Variants in DIP2C observed in about 807,000 individuals in gnomAD.
DIP2C encodes DIP2 acetate--CoA ligase C (putative).
Under a neutral mutation model 192.4 loss-of-function variants are expected in DIP2C, and 33 were observed. The ratio of observed to expected loss-of-function variants is 0.17; its 90% CI spans 0.13 to 0.23. The LOEUF (loss-of-function observed/expected upper bound fraction) is 0.23. Among genes scored for constraint, DIP2C ranks in the 10% least tolerant of loss-of-function variants. The probability of loss-of-function intolerance (pLI) is 1.00; values close to 1 mark genes in which losing one functional copy is unlikely to be tolerated. For synonymous variants in DIP2C, 979 were observed against 864.1 expected (o/e 1.13, Z -2.33); for missense variants, 1,537 against 2,110.1 (o/e 0.73, Z 5.32).
intron 24 of DIP2C, among the ~76,000 whole-genome samples, chr10:350,005 T>C (rs1032386825): frequency 5.9e-5 from 9 of 152,154 alleles, no homozygotes; most frequent in African/African-American, 1.9e-4. Flanking sequence ...ATAGAAAACA[T>C]ATTTGTGCAG....
intron 1 of DIP2C, among the ~76,000 whole-genome samples, chr10:629,229 A>G (rs971487170): frequency 6.6e-6 from 1 of 152,152 alleles, no homozygotes; most frequent in Non-Finnish European, 1.5e-5. Flanking sequence ...GGGTCATCCT[A>G]TTAATTCTCC....
intron 17 of DIP2C, 33 bp downstream of exon 17, chr10:382,614 A>C: frequency 1.3e-6 from 2 of 1,529,894 alleles, no homozygotes; most frequent in Non-Finnish European, 1.8e-6. Flanking sequence ...GACTGTCTCT[A>C]GGTTATCTAC....
intron 17 of DIP2C, among the ~76,000 whole-genome samples, chr10:381,602 G>A (rs1962381190): frequency 6.6e-6 from 1 of 152,202 alleles, no homozygotes; most frequent in African/African-American, 2.4e-5. Flanking sequence ...TGACATGCGT[G>A]CCCACGTGCA....
chr10:451,514 G>C (rs1968846267), intron 3 of DIP2C, among the ~76,000 whole-genome samples: 1 of 152,060 alleles, frequency 6.6e-6, no homozygotes. Context: ...CCCCAAACTG[G>C]ATATTCTTTT....
At chr10:352,841 C>T (rs559404815) in intron 24 of DIP2C, among the ~76,000 whole-genome samples, 5 of 152,306 alleles carry the variant, frequency 3.3e-5, no homozygotes, top group East Asian at 1.9e-4. Context: ...ACTCCACACA[C>T]GTGACACTGT....
At chr10:447,723 T>C (rs1224341666) in intron 3 of DIP2C, among the ~76,000 whole-genome samples, 1 of 48,140 alleles carries the variant, frequency 2.1e-5, no homozygotes, top group African/African-American at 1.2e-4. Context: ...TCACTCCCAC[T>C]GATGCTCAGG....
At chr10:569,191 G>T (rs1013668832) in intron 1 of DIP2C, among the ~76,000 whole-genome samples, 1 of 152,162 alleles carries the variant, frequency 6.6e-6, no homozygotes, top group Non-Finnish European at 1.5e-5. Context: ...GACTTCCGTG[G>T]CCCACAAGGC....
rs150113550 is a variant in DIP2C, at chr10:624,887, C to T, written c.85+64607G>A. 8.4e-3 allele frequency among the ~76,000 whole-genome samples: 1,273 copies of T among 152,194 alleles called. 11 individuals carry two copies. Among genetic ancestry groups the T allele is most frequent in the Non-Finnish European group, 0.013 (891 of 67,988 alleles). On this transcript the variant is annotated intron_variant, in intron 1 of 36. Coordinates refer to ENST00000280886, the MANE Select transcript of DIP2C (RefSeq NM_014974.3). ...GGCCGGGAGAACCCGGGGGGGGAGCCGCACTGGGGACAGAGGGGTGGGCCC... is the reference window on the plus strand; with the variant it reads ...GGCCGGGAGAACCCGGGGGGGGAGCTGCACTGGGGACAGAGGGGTGGGCCC...
At chr10:576,977 A>C (rs959457673) in intron 1 of DIP2C, among the ~76,000 whole-genome samples, 7 of 152,168 alleles carry the variant, frequency 4.6e-5, no homozygotes, top group African/African-American at 1.4e-4. Flanking sequence ...CATTCCATTT[A>C]CTTAAAATAT....
At chr10:325,189 C>CA (rs1957219421) in intron 31 of DIP2C, among the ~76,000 whole-genome samples, 1 of 152,026 alleles carries the variant, frequency 6.6e-6, no homozygotes, top group African/African-American at 2.4e-5. Context: ...GGCGTGAACC[C>CA]AGCAGGTGGA....
chr10:462,441 C>G (rs1969866334), intron 3 of DIP2C, among the ~76,000 whole-genome samples: 1 of 152,250 alleles, frequency 6.6e-6, no homozygotes, highest in Admixed American at 6.5e-5. Context: ...GGATAAATTC[C>G]AGGACACATA....
intron 8 of DIP2C, among the ~76,000 whole-genome samples, chr10:412,932 C>A (rs1965280845): frequency 2.0e-5 from 3 of 152,210 alleles, no homozygotes; most frequent in Non-Finnish European, 4.4e-5. Context: ...GACATGCAGA[C>A]ACAATATGAA....
chr10:486,618 AGTATCTTCT>A (rs1844037874), intron 1 of DIP2C, 88 bp from the exon 2 acceptor site: 2 of 1,116,168 alleles, frequency 1.8e-6, no homozygotes, highest in Admixed American at 2.6e-5. Flanking sequence ...CAGTTATCAC[AGTATCTTCT>A]GTGTGCCTCA....
At chr10:428,889 T>TA in intron 4 of DIP2C, among the ~76,000 whole-genome samples, 1 of 152,260 alleles carries the variant, frequency 6.6e-6, no homozygotes, top group East Asian at 1.9e-4. Context: ...TCCAACCTGT[T>TA]AAACCCACCA....
chr10:389,987 C>A lies in DIP2C; in HGVS notation c.1597+4G>T. ...TCCCAAGGAGTCAGGGTCTGGCACC[C>A]CACCTTCCGTGTAGCCACACGCCTG... On this transcript the variant is annotated splice_donor_region_variant and intron_variant, in intron 13 of 36. Transcript: ENST00000280886. 1 of 1,610,978 alleles carries A rather than the reference C, an allele frequency of 6.2e-7. No individual in the cohort carries two copies. Among genetic ancestry groups the A allele is most frequent in the South Asian group, 1.1e-5 (1 of 90,518 alleles).
chr10:593,486 C>G (rs1851522651), intron 1 of DIP2C, among the ~76,000 whole-genome samples: 3 of 3,640 alleles, frequency 8.2e-4, no homozygotes, highest in Admixed American at 6.9e-3. Context: ...CCACGCGGGA[C>G]CCCCCCCCCC....
chr10:295,098 A>AG (rs1163275631), intron 32 of DIP2C, among the ~76,000 whole-genome samples: 2 of 152,202 alleles, frequency 1.3e-5, no homozygotes, highest in Non-Finnish European at 2.9e-5. Context: ...GAGAAGTGGA[A>AG]GTCTTTTTTT....
At chr10:404,183 C>A (rs1964632791) in intron 9 of DIP2C, among the ~76,000 whole-genome samples, 1 of 150,682 alleles carries the variant, frequency 6.6e-6, no homozygotes, top group Admixed American at 6.6e-5. Flanking sequence ...AGCACATGTG[C>A]ATCATTTTTG....
intron 3 of DIP2C, among the ~76,000 whole-genome samples, chr10:447,079 C>CA (rs1968291047): frequency 1.3e-5 from 2 of 152,236 alleles, no homozygotes; most frequent in African/African-American, 4.8e-5. Context: ...AGGGAGCCAG[C>CA]ACCAGCCCAA....
Sources: gnomAD v4.1 joint callset for allele counts (sites outside exome capture counted in the v4.1 genomes callset) on GRCh38, gnomAD v4.1.1 for gene constraint, MANE v1.5 for transcripts, NCBI Gene and HGNC (gene_info 2026-07-23, HGNC 2026-07-21) for gene names.